The following PTBP2 variants were observed in gnomAD, a reference collection of about 807,000 sequenced individuals.
PTBP2 encodes the protein polypyrimidine tract binding protein 2.
PTBP2 carries 13 observed loss-of-function variants against 61.4 expected under a neutral mutation model. The observed-to-expected ratio is 0.21, with a 90% confidence interval of 0.14 to 0.34. The LOEUF (loss-of-function observed/expected upper bound fraction) is 0.34, where lower values mean the gene tolerates loss of function less well. PTBP2 is among the 10% of genes least tolerant of loss of function. The pLI is 1.00. For missense variants in PTBP2, 405 were observed against 642.6 expected (o/e 0.63, Z 4.00); for synonymous variants, 215 against 218.5 (o/e 0.98, Z 0.14).
At position 96,736,527 on chromosome 1, in the gene PTBP2, G is replaced by A. The variant is rs142609134; in HGVS notation, c.39+12933G>A. On this transcript the variant is annotated intron_variant, in intron 2 of 13. Coordinates refer to ENST00000674951, the MANE Select transcript of PTBP2 (RefSeq NM_021190.4). ...ACTTGACATGTATGTAGTTTAAGTT[G>A]ATCTTCTACTTAATTGAAAAATACA... Among the ~76,000 whole-genome samples the A allele has an allele frequency of 2.4e-3, 369 of 152,122 alleles. 1 individual carries two copies. Among genetic ancestry groups the A allele is most frequent in the African/African-American group, 4.6e-3 (191 of 41,494 alleles).
At chr1:96,781,125 C>A (rs1323429071) in intron 7 of PTBP2, among the ~76,000 whole-genome samples, 1 of 152,018 alleles carries the variant, frequency 6.6e-6, no homozygotes, top group African/African-American at 2.4e-5. Context: ...AATTTTGACA[C>A]AGACTTCTTA....
downstream of PTBP2, chr1:96,817,095 C>G (rs1274444424): frequency 6.6e-6 from 1 of 151,964 alleles, no homozygotes; most frequent in Non-Finnish European, 1.5e-5. Flanking sequence ...ACTTGATAGC[C>G]CAATCATAAA....
intron 1 of PTBP2, among the ~76,000 whole-genome samples, chr1:96,722,357 C>T (rs551818884): frequency 6.6e-6 from 1 of 152,032 alleles, no homozygotes; most frequent in Non-Finnish European, 1.5e-5. Context: ...TGAGCAACCT[C>T]TCCGGCCTCG....
chr1:96,757,913 G>A (rs1022412281), intron 3 of PTBP2, among the ~76,000 whole-genome samples: 1 of 151,972 alleles, frequency 6.6e-6, no homozygotes, highest in African/African-American at 2.4e-5. Flanking sequence ...TGTGTATGGT[G>A]AAAAGTATGT....
At chr1:96,739,355 T>TAA (rs1652669569) in intron 2 of PTBP2, among the ~76,000 whole-genome samples, 2 of 152,286 alleles carry the variant, frequency 1.3e-5, no homozygotes, top group African/African-American at 4.8e-5. Flanking sequence ...AGTGTACACT[T>TAA]AAATTGTTTA....
chr1:96,740,548 T>TAAGC (rs1652861725), intron 2 of PTBP2, among the ~76,000 whole-genome samples: 1 of 152,090 alleles, frequency 6.6e-6, no homozygotes, highest in South Asian at 2.1e-4. Flanking sequence ...TGGGGAAACA[T>TAAGC]AAGCATTGAG....
chr1:96,794,629 T>C (rs1213081794), intron 8 of PTBP2, among the ~76,000 whole-genome samples: 6 of 152,170 alleles, frequency 3.9e-5, no homozygotes, highest in Non-Finnish European at 8.8e-5. Context: ...CTAGACACTT[T>C]AGAGATTCAG....
At chr1:96,740,163 C>T (rs758191099) in intron 2 of PTBP2, among the ~76,000 whole-genome samples, 14 of 152,112 alleles carry the variant, frequency 9.2e-5, no homozygotes, top group Non-Finnish European at 2.1e-4. Flanking sequence ...TTTGAAGCCC[C>T]CTGTGTCATA....
intron 8 of PTBP2, among the ~76,000 whole-genome samples, chr1:96,801,654 A>G (rs577240524): frequency 4.1e-4 from 63 of 151,850 alleles, no homozygotes; most frequent in African/African-American, 1.5e-3. Flanking sequence ...CAGGAGTTCA[A>G]GACCAAAACC....
rs1232683663 is a variant in PTBP2, at chr1:96,739,618, G to GGTTTTTTTTTTTTTTTTTTTTTTT, written c.40-11807_40-11806insGTTTTTTTTTTTTTTTTTTTTTTT. Among the ~76,000 whole-genome samples the GGTTTTTTTTTTTTTTTTTTTTTTT allele has an allele frequency of 6.0e-5, 5 of 83,802 alleles. 2 individuals are homozygous for GGTTTTTTTTTTTTTTTTTTTTTTT. Among genetic ancestry groups the GGTTTTTTTTTTTTTTTTTTTTTTT allele is most frequent in the Non-Finnish European group, 1.1e-4 (5 of 45,264 alleles). The allele number at this position is 83,802 out of a possible 152,430, so 55.0% of individuals were successfully genotyped here. ...GCTACAAAATCTGAAACTGGTGTGT[G>GGTTTTTTTTTTTTTTTTTTTTTTT]TTTTTTTTTTTTTTTTTTTTTTTTT... On this transcript the variant is annotated intron_variant, in intron 2 of 13. Coordinates refer to ENST00000674951, the MANE Select transcript of PTBP2 (RefSeq NM_021190.4).
chr1:96,784,249 A>G (rs1658986125), intron 7 of PTBP2, among the ~76,000 whole-genome samples: 1 of 152,066 alleles, frequency 6.6e-6, no homozygotes, highest in Non-Finnish European at 1.5e-5. Context: ...AGTCCTTTAT[A>G]ATTCATGATG....
intron 3 of PTBP2, among the ~76,000 whole-genome samples, chr1:96,754,623 G>A (rs1570799724): frequency 6.6e-6 from 1 of 152,110 alleles, no homozygotes; most frequent in Non-Finnish European, 1.5e-5. Flanking sequence ...GCAAAGCTAC[G>A]GTAATTAAAA....
At chr1:96,724,677 G>T (rs1570675795) in intron 2 of PTBP2, among the ~76,000 whole-genome samples, 1 of 148,368 alleles carries the variant, frequency 6.7e-6, no homozygotes, top group Admixed American at 6.7e-5. Flanking sequence ...TATCCATAAT[G>T]GGGGGAGGGG....
intron 11 of PTBP2, among the ~76,000 whole-genome samples, chr1:96,809,422 A>G (rs1557779377): frequency 6.6e-6 from 1 of 152,216 alleles, no homozygotes; most frequent in Non-Finnish European, 1.5e-5. Flanking sequence ...CTATTGCACA[A>G]GTAAGTTAGA....
intron 11 of PTBP2, among the ~76,000 whole-genome samples, chr1:96,808,853 G>A (rs1661758721): frequency 6.6e-6 from 1 of 151,548 alleles, no homozygotes; most frequent in South Asian, 2.1e-4. Context: ...AAAACTCTAT[G>A]GTGTACTATT....
chr1:96,816,579 C>G (rs1429862028), downstream of PTBP2: 1 of 151,982 alleles, frequency 6.6e-6, no homozygotes, highest in Admixed American at 6.6e-5. Flanking sequence ...GAAAATTTTT[C>G]CTTAACCAGG....
At chr1:96,726,129 CT>C (rs201532944) in intron 2 of PTBP2, among the ~76,000 whole-genome samples, 1 of 141,132 alleles carries the variant, frequency 7.1e-6, no homozygotes, top group African/African-American at 2.6e-5. Flanking sequence ...TGCTTCACAG[CT>C]TTTTTTGCTA....
At chr1:96,816,844 G>A (rs1466269692), downstream of PTBP2, 3 of 152,148 alleles carry the variant, frequency 2.0e-5, no homozygotes, top group Admixed American at 2.0e-4. Flanking sequence ...TAGGATAAGT[G>A]AAGGAATGCT....
At chr1:96,805,017 C>A in intron 9 of PTBP2, 78 bp downstream of exon 9, 2 of 1,253,780 alleles carry the variant, frequency 1.6e-6, no homozygotes, top group Non-Finnish European at 2.2e-6. Context: ...TTTCATTTTG[C>A]ACTTGCCTTT....
Sources: allele counts gnomAD v4.1 joint callset (sites outside exome capture counted in the v4.1 genomes callset), GRCh38; gene constraint gnomAD v4.1.1; transcripts MANE v1.5; gene names NCBI Gene and HGNC (gene_info 2026-07-23, HGNC 2026-07-21).